The following KIAA1549L variants were observed in gnomAD, a reference collection of about 807,000 sequenced individuals.
The protein encoded by KIAA1549L is KIAA1549 like, also known as UPF0606 protein KIAA1549L.
In KIAA1549L, 88 loss-of-function variants were observed where a neutral mutation model predicts 160.7. That is an observed-to-expected ratio of 0.55 (90% CI 0.46 to 0.65). The LOEUF is 0.65. KIAA1549L is among the 30% of genes least tolerant of loss of function. The probability of loss-of-function intolerance (pLI) is 0.00; values close to 1 mark genes in which losing one functional copy is unlikely to be tolerated. For synonymous variants in KIAA1549L, 950 were observed against 976.7 expected (o/e 0.97, Z 0.51); for missense variants, 2,258 against 2,437.5 (o/e 0.93, Z 1.55).
intron 1 of KIAA1549L, among the ~76,000 whole-genome samples, chr11:33,532,523 C>T (rs1407232192): frequency 6.6e-6 from 1 of 152,192 alleles, no homozygotes; most frequent in African/African-American, 2.4e-5. Context: ...TAATTATCCC[C>T]ATTTTACAGA....
intron 10 of KIAA1549L, among the ~76,000 whole-genome samples, chr11:33,575,311 G>A (rs909931639): frequency 2.6e-5 from 4 of 152,250 alleles, no homozygotes; most frequent in African/African-American, 4.8e-5. Context: ...AGGTGCAGTG[G>A]CACACAACAT....
intron 10 of KIAA1549L, among the ~76,000 whole-genome samples, chr11:33,578,333 A>G (rs1590362091): frequency 6.6e-6 from 1 of 152,132 alleles, no homozygotes; most frequent in South Asian, 2.1e-4. Flanking sequence ...GCCAGGCTCC[A>G]AGGCTGCCAC....
In KIAA1549L at chr11:33,669,600, TCTG is replaced by T. The variant is rs1443936477; in HGVS notation, c.*1447_*1449del. The T allele has an allele frequency of 6.6e-5, 10 of 152,396 alleles. No homozygotes were observed. The highest frequency in any genetic ancestry group is 6.5e-5 in the Admixed American group (1 of 15,304). The allele number at this position is 152,396 out of a possible 1,614,324, so 9.4% of individuals were successfully genotyped here. A position where few individuals can be genotyped will look rare whatever the true frequency, so the allele number is the denominator to read the frequency against. ...CTAGCTTCAGCTGTATCCATTTTCT[TCTG>T]AGCCCATCTTCCATTGTCCTCAACG... is the stretch of plus-strand genomic sequence containing the variant. On this transcript the variant is annotated 3_prime_UTR_variant, in exon 21 of 21. Transcript: ENST00000658780.
chr11:33,431,924 CTCAGCG>C (rs1851254168), intron 1 of KIAA1549L, among the ~76,000 whole-genome samples: 1 of 152,254 alleles, frequency 6.6e-6, no homozygotes. Flanking sequence ...AGAAATCGAG[CTCAGCG>C]CTGGTGGGCT....
At chr11:33,632,884 T>C (rs1851336358) in intron 16 of KIAA1549L, among the ~76,000 whole-genome samples, 1 of 152,092 alleles carries the variant, frequency 6.6e-6, no homozygotes, top group Non-Finnish European at 1.5e-5. Context: ...ACATGAGCAC[T>C]GTGTTGGGCA....
At chr11:33,458,507 G>T (rs1851875487) in intron 1 of KIAA1549L, among the ~76,000 whole-genome samples, 1 of 152,218 alleles carries the variant, frequency 6.6e-6, no homozygotes, top group Non-Finnish European at 1.5e-5. Context: ...GGTGAAACCT[G>T]CAATGATGGG....
chr11:33,647,646 T>A (rs558829916), intron 17 of KIAA1549L, among the ~76,000 whole-genome samples: 4 of 152,284 alleles, frequency 2.6e-5, no homozygotes, highest in African/African-American at 9.6e-5. Context: ...CAATGCCTTG[T>A]GCATGTATAG....
Position 33,495,424 on chromosome 11 carries a change from A to G in KIAA1549L, c.239-46378A>G, listed in dbSNP as rs1461148837. On this transcript the variant is annotated intron_variant, in intron 1 of 20. Transcript: ENST00000658780. ...AGTTTACTGAGAATGATGATTTCCA[A>G]TTTCATCCATGTCCCTACAAAGGAC... 2.7e-3 allele frequency among the ~76,000 whole-genome samples: 416 copies of G among 151,832 alleles called. 1 individual carries two copies. The highest frequency in any genetic ancestry group is 9.7e-3 in the African/African-American group (402 of 41,360).
At chr11:33,550,958 C>A in intron 4 of KIAA1549L, 82 bp from the exon 5 acceptor site, 2 of 1,086,890 alleles carry the variant, frequency 1.8e-6, no homozygotes, top group South Asian at 1.3e-5. Flanking sequence ...TTTCTAACAG[C>A]CGTGGTTCTA....
At chr11:33,646,292 A>G (rs958654656) in intron 17 of KIAA1549L, among the ~76,000 whole-genome samples, 3 of 152,188 alleles carry the variant, frequency 2.0e-5, no homozygotes, top group Non-Finnish European at 4.4e-5. Context: ...CTTTTCTACT[A>G]TCCCTTCTAT....
chr11:33,491,044 T>C (rs909352512), intron 1 of KIAA1549L, among the ~76,000 whole-genome samples: 3 of 152,242 alleles, frequency 2.0e-5, no homozygotes, highest in African/African-American at 7.2e-5. Flanking sequence ...TAACTAATGG[T>C]ATAAGTGTCT....
rs1565175326 is a variant in KIAA1549L at position 33,542,403 on chromosome 11, C to T, written c.840C>T (p.Asp280=). The T allele has an allele frequency of 6.8e-7, 1 of 1,466,836 alleles. No individual in the cohort carries two copies. Among genetic ancestry groups the T allele is most frequent in the South Asian group, 1.3e-5 (1 of 75,746 alleles). The allele number at this position is 1,466,836 out of a possible 1,614,324, so 90.9% of individuals were successfully genotyped here. A position where few individuals can be genotyped will look rare whatever the true frequency, so the allele number is the denominator to read the frequency against. Residue 280 remains aspartate, a synonymous_variant, in exon 2 of 21, where the codon GAC becomes GAT. Coordinates refer to ENST00000658780, the MANE Select transcript of KIAA1549L (RefSeq NM_012194.3). ...TAGTTCCCCAAACAGCTCCAGCCGA[C>T]CCCTCTTTAGGTCAGAACATAGCTA... ...VLLVPQTAPA[D]PSLGQNIANP...
chr11:33,599,067 C>CTT, intron 13 of KIAA1549L, 120 bp downstream of exon 13: 3 of 1,184,678 alleles, frequency 2.5e-6, no homozygotes, highest in Non-Finnish European at 3.6e-6. Flanking sequence ...CTCAGTCGTT[C>CTT]TTTCTATTCT....
chr11:33,572,345 C>T (rs1855291744), intron 9 of KIAA1549L, among the ~76,000 whole-genome samples: 1 of 152,122 alleles, frequency 6.6e-6, no homozygotes, highest in Non-Finnish European at 1.5e-5. Context: ...CCAACATTTT[C>T]AAACTTGTAG....
chr11:33,421,981 G>A (rs1851021368), intron 1 of KIAA1549L, among the ~76,000 whole-genome samples: 1 of 152,092 alleles, frequency 6.6e-6, no homozygotes, highest in African/African-American at 2.4e-5. Context: ...CTATTGGTCT[G>A]GGGACCGTAC....
At chr11:33,556,452 C>T (rs1320994412) in intron 6 of KIAA1549L, among the ~76,000 whole-genome samples, 1 of 152,216 alleles carries the variant, frequency 6.6e-6, no homozygotes, top group East Asian at 1.9e-4. Flanking sequence ...GGCATATATA[C>T]ATACAATGGA....
At chr11:33,614,570 ATATATATATATATATTTTTTT>A (rs1850751092) in intron 15 of KIAA1549L, among the ~76,000 whole-genome samples, 1 of 15,016 alleles carries the variant, frequency 6.7e-5, no homozygotes, top group Non-Finnish European at 9.6e-5. Context: ...ATATATATAT[ATATATATATATATATTTTTTT>A]TTTTTTTTTT....
At chr11:33,395,689 T>C (rs1453802837) in intron 1 of KIAA1549L, among the ~76,000 whole-genome samples, 1 of 152,188 alleles carries the variant, frequency 6.6e-6, no homozygotes, top group Non-Finnish European at 1.5e-5. Context: ...TGTTTTCAAC[T>C]TCTTGTAGTT....
intron 1 of KIAA1549L, among the ~76,000 whole-genome samples, chr11:33,382,485 T>C (rs1158662105): frequency 6.6e-6 from 1 of 152,062 alleles, no homozygotes; most frequent in Non-Finnish European, 1.5e-5. Flanking sequence ...AGACAATTCT[T>C]ATGAAGTTTT....
Sources: allele counts gnomAD v4.1 joint callset (sites outside exome capture counted in the v4.1 genomes callset), GRCh38; gene constraint gnomAD v4.1.1; transcripts MANE v1.5; gene names NCBI Gene and HGNC (gene_info 2026-07-23, HGNC 2026-07-21).